Variants in THSD7B observed in about 807,000 individuals in gnomAD.
THSD7B encodes the protein thrombospondin type-1 domain-containing protein 7B.
In THSD7B, 138 loss-of-function variants were observed where a neutral mutation model predicts 213.6. The ratio of observed to expected loss-of-function variants is 0.65; its 90% CI spans 0.56 to 0.74. The LOEUF is 0.74. Among genes scored for constraint, THSD7B ranks in the 30% least tolerant of loss-of-function variants. The pLI is 0.00. For missense variants in THSD7B, 1,931 were observed against 1,991.5 expected, an observed-to-expected ratio of 0.97 and a Z score of 0.58; for synonymous variants, 742 against 687.0, an observed-to-expected ratio of 1.08 and a Z score of -1.25.
intron 16 of THSD7B, among the ~76,000 whole-genome samples, chr2:137,568,297 T>C (rs756275835): frequency 1.3e-5 from 2 of 152,208 alleles, no homozygotes; most frequent in Non-Finnish European, 2.9e-5. Context: ...AGTGAGGTGA[T>C]GACTGAAGGG....
At chr2:137,541,589 A>G (rs1680610597) in intron 15 of THSD7B, among the ~76,000 whole-genome samples, 2 of 151,690 alleles carry the variant, frequency 1.3e-5, no homozygotes, top group South Asian at 2.1e-4. Context: ...TTGAAACTAT[A>G]TATTATTGTT....
At position 137,070,721 on chromosome 2, in the gene THSD7B, C is replaced by T. The variant is rs191550389; in HGVS notation, c.950+13491C>T. 3.3e-5 allele frequency among the ~76,000 whole-genome samples: 5 copies of T among 151,902 alleles called. No homozygotes were observed. In the East Asian group the frequency reaches 7.8e-4, roughly 24 times the overall value. On this transcript the variant is annotated intron_variant, in intron 3 of 27. Coordinates refer to ENST00000409968, the MANE Select transcript of THSD7B (RefSeq NM_001316349.2). Reference sequence around the variant, plus strand: ...ATGCTATCCCTCCCCCTGTCCCCCACCCCACAACAATCCCCGGTGTATGAT... The same window carrying T: ...ATGCTATCCCTCCCCCTGTCCCCCATCCCACAACAATCCCCGGTGTATGAT...
At chr2:137,157,846 C>T (rs1480012661) in intron 5 of THSD7B, among the ~76,000 whole-genome samples, 4 of 152,180 alleles carry the variant, frequency 2.6e-5, no homozygotes, top group Non-Finnish European at 4.4e-5. Flanking sequence ...GTCTGGCATG[C>T]ATTATAAATG....
chr2:137,073,205 T>A (rs1573804310), intron 3 of THSD7B, among the ~76,000 whole-genome samples: 1 of 152,214 alleles, frequency 6.6e-6, no homozygotes, highest in Non-Finnish European at 1.5e-5. Context: ...GTACCTCTGG[T>A]AGAATTCGGC....
intron 10 of THSD7B, among the ~76,000 whole-genome samples, chr2:137,246,164 CAGG>C (rs1290134924): frequency 6.6e-6 from 1 of 152,060 alleles, no homozygotes; most frequent in Non-Finnish European, 1.5e-5. Flanking sequence ...GGAAGAGATC[CAGG>C]AGGAGGATGG....
At chr2:137,669,077 AT>A (rs55970203) in intron 27 of THSD7B, among the ~76,000 whole-genome samples, 2 of 151,944 alleles carry the variant, frequency 1.3e-5, no homozygotes, top group African/African-American at 2.4e-5. Flanking sequence ...GTTTCAATGG[AT>A]TTTTTTTAAT....
intron 17 of THSD7B, among the ~76,000 whole-genome samples, chr2:137,578,606 TAAC>T: frequency 6.6e-6 from 1 of 152,262 alleles, no homozygotes; most frequent in East Asian, 1.9e-4. Context: ...GATCCACAGG[TAAC>T]ATTACTGCCT....
intron 2 of THSD7B, among the ~76,000 whole-genome samples, chr2:136,905,594 C>T (rs1684145646): frequency 6.6e-6 from 1 of 152,186 alleles, no homozygotes; most frequent in Non-Finnish European, 1.5e-5. Context: ...AGTCATCCTG[C>T]CTAATCATGT....
intron 1 of THSD7B, among the ~76,000 whole-genome samples, chr2:136,871,707 A>G (rs991311573): frequency 6.6e-6 from 1 of 152,158 alleles, no homozygotes; most frequent in Admixed American, 6.5e-5. Context: ...GAAGCCGCAT[A>G]AGTAAGTTCT....
chr2:137,647,421 T>TTCTC (rs60400076), intron 21 of THSD7B, among the ~76,000 whole-genome samples: 169 of 84,496 alleles, frequency 2.0e-3, no homozygotes, highest in Middle Eastern at 6.8e-3. Flanking sequence ...CTCTGTCTCT[T>TTCTC]TCTCTCTCTC....
intron 7 of THSD7B, among the ~76,000 whole-genome samples, chr2:137,228,084 A>G (rs1681550628): frequency 6.6e-6 from 1 of 151,934 alleles, no homozygotes; most frequent in Admixed American, 6.5e-5. Flanking sequence ...GCTACAACTC[A>G]CCTTAATACA....
chr2:137,179,843 C>T (rs1270479330), intron 7 of THSD7B, among the ~76,000 whole-genome samples: 2 of 152,022 alleles, frequency 1.3e-5, no homozygotes, highest in African/African-American at 2.4e-5. Context: ...GATGCTTATC[C>T]TCCTCTTCTT....
intron 5 of THSD7B, among the ~76,000 whole-genome samples, chr2:137,154,046 G>A (rs1679864727): frequency 6.6e-6 from 1 of 152,048 alleles, no homozygotes; most frequent in Non-Finnish European, 1.5e-5. Context: ...TAACTTCTTT[G>A]AGGAGGTTGA....
intron 2 of THSD7B, among the ~76,000 whole-genome samples, chr2:137,003,097 T>C (rs1186154744): frequency 6.6e-6 from 1 of 152,194 alleles, no homozygotes; most frequent in Non-Finnish European, 1.5e-5. Context: ...CTTTATTTGG[T>C]TTGTAAGTCA....
chr2:136,818,213 A>G (rs1412287453), intron 1 of THSD7B, among the ~76,000 whole-genome samples: 22 of 148,340 alleles, frequency 1.5e-4, no homozygotes, highest in Admixed American at 4.8e-4. Context: ...AATACTATGC[A>G]GCCATAAAAA....
chr2:137,417,711 G>A (rs947992553), intron 14 of THSD7B, among the ~76,000 whole-genome samples: 1 of 152,124 alleles, frequency 6.6e-6, no homozygotes, highest in Non-Finnish European at 1.5e-5. Context: ...GGAATTACAG[G>A]CATGAGCCAC....
At chr2:137,578,771 T>C (rs1424284987) in intron 17 of THSD7B, among the ~76,000 whole-genome samples, 2 of 152,192 alleles carry the variant, frequency 1.3e-5, no homozygotes, top group African/African-American at 2.4e-5. Flanking sequence ...ATATTTTGTT[T>C]GTTTGTTTCT....
intron 2 of THSD7B, among the ~76,000 whole-genome samples, chr2:136,911,165 C>T (rs867382764): frequency 3.4e-4 from 51 of 152,198 alleles, no homozygotes; most frequent in Non-Finnish European, 1.6e-4. Flanking sequence ...TTGGCCAAGG[C>T]ACATACTACT....
intron 12 of THSD7B, among the ~76,000 whole-genome samples, chr2:137,393,019 G>A (rs930946057): frequency 1.3e-5 from 2 of 151,736 alleles, no homozygotes; most frequent in Non-Finnish European, 2.9e-5. Context: ...AAGATTTTTT[G>A]TAGAACCGGT....
Sources: allele counts gnomAD v4.1 joint callset (sites outside exome capture counted in the v4.1 genomes callset), GRCh38; gene constraint gnomAD v4.1.1; transcripts MANE v1.5; gene names NCBI Gene and HGNC (gene_info 2026-07-23, HGNC 2026-07-21).